ARFIP1: variants seen among roughly 807,000 people sequenced by gnomAD.
ARFIP1 encodes the protein arfaptin-1.
ARFIP1 carries 24 observed loss-of-function variants against 42.5 expected under a neutral mutation model. The observed-to-expected ratio is 0.57, with a 90% CI of 0.41 to 0.80. The LOEUF is 0.80. Among genes scored for constraint, ARFIP1 ranks in the 30% least tolerant of loss-of-function variants. The pLI is 0.00. For missense variants in ARFIP1, 354 were observed against 434.0 expected, an observed-to-expected ratio of 0.82 and a Z score of 1.64; for synonymous variants, 141 against 153.7, an observed-to-expected ratio of 0.92 and a Z score of 0.61.
At chr4:152,862,047 A>G (rs985255326) in intron 2 of ARFIP1, among the ~76,000 whole-genome samples, 5 of 152,192 alleles carry the variant, frequency 3.3e-5, no homozygotes, top group African/African-American at 1.2e-4. Context: ...CAAATCAAGT[A>G]AACCCGTTAC....
intron 1 of ARFIP1, among the ~76,000 whole-genome samples, chr4:152,808,523 A>G (rs913217094): frequency 6.6e-6 from 1 of 151,672 alleles, no homozygotes; most frequent in Admixed American, 6.6e-5. Context: ...GCTGGGTTAT[A>G]GGATAGTCGT....
intron 1 of ARFIP1, among the ~76,000 whole-genome samples, chr4:152,826,410 G>C (rs536942255): frequency 1.8e-4 from 28 of 152,094 alleles, no homozygotes; most frequent in Non-Finnish European, 7.4e-5. Flanking sequence ...TTATAAGTGG[G>C]GACTTAGCTG....
chr4:152,896,596 C>G (rs1324020627), intron 8 of ARFIP1, among the ~76,000 whole-genome samples: 1 of 152,018 alleles, frequency 6.6e-6, no homozygotes, highest in East Asian at 1.9e-4. Flanking sequence ...TTAATAAAAT[C>G]AGTTACCTAT....
intron 6 of ARFIP1, among the ~76,000 whole-genome samples, chr4:152,881,793 C>G (rs1735869959): frequency 6.6e-6 from 1 of 152,150 alleles, no homozygotes; most frequent in African/African-American, 2.4e-5. Context: ...GATAATTTTA[C>G]TTTCCTGCTA....
intron 2 of ARFIP1, among the ~76,000 whole-genome samples, chr4:152,830,001 CTA>C (rs1383879365): frequency 1.3e-5 from 2 of 152,014 alleles, no homozygotes; most frequent in Non-Finnish European, 2.9e-5. Flanking sequence ...CTTTATAAGA[CTA>C]TTAATTCTGT....
intron 5 of ARFIP1, among the ~76,000 whole-genome samples, chr4:152,876,923 C>A (rs548589020): frequency 2.8e-4 from 43 of 152,196 alleles, no homozygotes; most frequent in Non-Finnish European, 6.3e-4. Flanking sequence ...CCTGTGGGTG[C>A]ACAGAAGTCA....
intron 1 of ARFIP1, among the ~76,000 whole-genome samples, chr4:152,784,983 A>G (rs952105621): frequency 6.6e-6 from 1 of 152,158 alleles, no homozygotes; most frequent in African/African-American, 2.4e-5. Flanking sequence ...GTAAGCCCTA[A>G]ATCTTCCAGA....
intron 1 of ARFIP1, among the ~76,000 whole-genome samples, chr4:152,821,864 A>G (rs925013793): frequency 2.0e-5 from 3 of 152,206 alleles, no homozygotes; most frequent in South Asian, 2.1e-4. Context: ...ACATCCAGCA[A>G]AACTAAGTTG....
At chr4:152,814,238 GCA>G (rs1479329360) in intron 1 of ARFIP1, among the ~76,000 whole-genome samples, 1 of 151,698 alleles carries the variant, frequency 6.6e-6, no homozygotes, top group Non-Finnish European at 1.5e-5. Context: ...CCACAGGTGC[GCA>G]CCACCATGCC....
intron 2 of ARFIP1, among the ~76,000 whole-genome samples, chr4:152,834,788 G>A (rs1731521673): frequency 6.6e-6 from 1 of 152,230 alleles, no homozygotes; most frequent in Non-Finnish European, 1.5e-5. Flanking sequence ...CCTTCCCACA[G>A]CTCTCCTAGG....
chr4:152,849,096 A>G (rs1016318858), intron 2 of ARFIP1, among the ~76,000 whole-genome samples: 3 of 152,204 alleles, frequency 2.0e-5, no homozygotes, highest in African/African-American at 4.8e-5. Context: ...TATACTTTTA[A>G]TACTATTACT....
chr4:152,900,789 T>C (rs1007590439), intron 8 of ARFIP1, among the ~76,000 whole-genome samples: 2 of 152,230 alleles, frequency 1.3e-5, no homozygotes, highest in African/African-American at 2.4e-5. Context: ...GTTGATACCT[T>C]ACATGTTAGC....
chr4:152,849,953 G>A (rs1732851727), intron 2 of ARFIP1, among the ~76,000 whole-genome samples: 2 of 152,030 alleles, frequency 1.3e-5, no homozygotes, highest in Non-Finnish European at 2.9e-5. Context: ...TGTAGATTGG[G>A]TTATACTAAG....
At chr4:152,801,745 T>C (rs950303546) in intron 1 of ARFIP1, among the ~76,000 whole-genome samples, 1 of 152,198 alleles carries the variant, frequency 6.6e-6, no homozygotes, top group Non-Finnish European at 1.5e-5. Flanking sequence ...AGAGTAGCTG[T>C]GCTGGTAAAT....
intron 1 of ARFIP1, among the ~76,000 whole-genome samples, chr4:152,785,980 G>A (rs1730781283): frequency 6.6e-6 from 1 of 152,178 alleles, no homozygotes; most frequent in South Asian, 2.1e-4. Flanking sequence ...GACATGATAT[G>A]ATGTGATACA....
chr4:152,869,657 G>C (rs1485047171), intron 3 of ARFIP1, among the ~76,000 whole-genome samples: 1 of 152,014 alleles, frequency 6.6e-6, no homozygotes, highest in Non-Finnish European at 1.5e-5. Flanking sequence ...TTGAACTCCT[G>C]AGCTCAAGCA....
intron 1 of ARFIP1, among the ~76,000 whole-genome samples, chr4:152,792,425 A>G (rs542591120): frequency 1.3e-5 from 2 of 152,332 alleles, no homozygotes; most frequent in African/African-American, 2.4e-5. Flanking sequence ...ATGTAAATTC[A>G]TATTCCAGTA....
At position 152,829,830 on chromosome 4, in the gene ARFIP1, T is replaced by C. The variant is rs1036235179; in HGVS notation, c.93+104T>C. ...TTTAATATAGGATTGTTTTCTTAGA[T>C]TGGCTTCAGTCAGGAATCTAATGTT... On this transcript the variant is annotated intron_variant, in intron 2 of 8. Transcript: ENST00000353617. The C allele has an allele frequency of 9.9e-6, 9 of 904,638 alleles. No individual in the cohort carries two copies. The African/African-American group carries it at 1.2e-4, about 12-fold the overall frequency. 56.0% of individuals were successfully genotyped at this position (904,638 alleles called of 1,614,324 possible).
chr4:152,855,660 A>G (rs1733371387), intron 2 of ARFIP1, among the ~76,000 whole-genome samples: 1 of 152,176 alleles, frequency 6.6e-6, no homozygotes, highest in Non-Finnish European at 1.5e-5. Flanking sequence ...ATCTGCTTAG[A>G]TCTCAGGGAG....
Sources: allele counts gnomAD v4.1 joint callset (sites outside exome capture counted in the v4.1 genomes callset), GRCh38; gene constraint gnomAD v4.1.1; transcripts MANE v1.5; gene names NCBI Gene and HGNC (gene_info 2026-07-23, HGNC 2026-07-21).